The following SGSM3 variants were observed in gnomAD, a reference collection of about 807,000 sequenced individuals.
SGSM3 encodes the protein RUN and SH3 containing 3.
A neutral mutation model predicts 100.5 loss-of-function variants in SGSM3; 96 were observed. The observed-to-expected ratio is 0.96, with a 90% CI of 0.81 to 1.13. The LOEUF is 1.13. Ranked by LOEUF, SGSM3 falls within the 50% of genes most tolerant of loss-of-function variation. SGSM3 has a pLI of 0.00. For synonymous variants in SGSM3, 483 were observed against 422.8 expected (o/e 1.14, Z -1.75); for missense variants, 1,001 against 1,015.8 (o/e 0.99, Z 0.20).
intron 14 of SGSM3, 48 bp from the exon 15 acceptor site, chr22:40,408,023 G>A (rs1370811277): frequency 6.3e-7 from 1 of 1,597,252 alleles, no homozygotes; most frequent in East Asian, 2.2e-5. Flanking sequence ...TGTCTGCTCT[G>A]TCCTCGGCCC....
At chr22:40,398,240 T>A (rs572491376) in intron 1 of SGSM3, among the ~76,000 whole-genome samples, 1 of 151,538 alleles carries the variant, frequency 6.6e-6, no homozygotes, top group East Asian at 1.9e-4. Context: ...GTGCTGGGAT[T>A]ACAGGCGTGA....
At chr22:40,405,348 GTGGCCTCCCGCTACGGGGCAGTAGCCCCA>G in intron 7 of SGSM3, 64 bp downstream of exon 7, 2 of 1,393,076 alleles carry the variant, frequency 1.4e-6, no homozygotes, top group South Asian at 1.6e-5. Flanking sequence ...CTAACAAGGA[GTGGCCTCCCGCTACGGGGCAGTAGCCCCA>G]GGGCCTCCTC....
rs764446731 is a variant in SGSM3, at chr22:40,407,278, C to T, written c.1318C>T (p.Leu440=). ...GGTGGCTGACCTCCGGGAAGCCATC[C>T]TGCGCGTGGCACGCCACTTCCAGTG... ...ELVADLREAI[L]RVARHFQCTD... is the part of the protein sequence containing the mutation. The change falls in exon 12 of 22, where the codon CTG becomes TTG. Residue 440 remains leucine (L), a synonymous_variant. Coordinates refer to ENST00000248929, the MANE Select transcript of SGSM3 (RefSeq NM_015705.6). The surrounding 1 kb of genome is among the most constrained non-coding windows in gnomAD (Gnocchi z 4.7). The T allele has an allele frequency of 1.9e-6, 3 of 1,613,586 alleles. No homozygotes were observed. The highest frequency in any genetic ancestry group is 1.7e-5 in the Admixed American group (1 of 60,032).
chr22:40,400,718 G>T lies in SGSM3; in HGVS notation c.-89G>T, dbSNP rs1277189313. The T allele has an allele frequency of 3.8e-6, 5 of 1,310,830 alleles. No homozygotes were observed. The highest frequency in any genetic ancestry group is 5.4e-6 in the Non-Finnish European group (5 of 929,106). 81.2% of individuals were successfully genotyped at this position (1,310,830 alleles called of 1,614,324 possible). A position where few individuals can be genotyped will look rare whatever the true frequency, so the allele number is the denominator to read the frequency against. On this transcript the variant is annotated 5_prime_UTR_variant, in exon 2 of 22. The change abolishes an upstream ATG in the 5' untranslated region. Coordinates refer to ENST00000248929, the MANE Select transcript of SGSM3 (RefSeq NM_015705.6). Reference sequence around the variant, plus strand: ...CAGGGCAGATGATTCTGGACCAGATGAAGCCTGAGGAGCCTTCCAGCTCTA... The same window carrying T: ...CAGGGCAGATGATTCTGGACCAGATTAAGCCTGAGGAGCCTTCCAGCTCTA...
chr22:40,386,369 AG>A (rs1364280189), intron 1 of SGSM3, among the ~76,000 whole-genome samples: 1 of 152,170 alleles, frequency 6.6e-6, no homozygotes, highest in Non-Finnish European at 1.5e-5. Flanking sequence ...CAACAGTAAG[AG>A]GACAACCTCG....
rs1208753297 is a variant in SGSM3, at chr22:40,408,828, G to C, written c.1888G>C (p.Glu630Gln). 9 of 1,613,822 alleles carry C rather than the reference G, an allele frequency of 5.6e-6. No homozygotes were observed. Among genetic ancestry groups the C allele is most frequent in the Non-Finnish European group, 5.9e-6 (7 of 1,180,018 alleles). The change falls in exon 18 of 22, where the codon GAG (glutamate) becomes CAG (glutamine). Residue 630 changes from glutamate (E) to glutamine (Q), a missense_variant. Transcript: ENST00000248929. ...DEDGKVLTPE[E>Q]LLYRAVQSVN... ...AGATGGCAAAGTCCTGACCCCGGAG[G>C]AGCTGCTCTACCGGGTAAGGGGGCC...
intron 1 of SGSM3, among the ~76,000 whole-genome samples, chr22:40,395,944 A>C (rs2049991695): frequency 6.6e-6 from 1 of 152,162 alleles, no homozygotes; most frequent in Non-Finnish European, 1.5e-5. Context: ...CTATTTGCCC[A>C]CGTAGCAGCC....
intron 1 of SGSM3, among the ~76,000 whole-genome samples, chr22:40,398,463 G>A (rs1311664146): frequency 7.1e-6 from 1 of 141,368 alleles, no homozygotes; most frequent in East Asian, 2.1e-4. Context: ...TCCACAGCCA[G>A]ATGTAGCTGA....
At chr22:40,379,630 A>G (rs1338110397) in intron 1 of SGSM3, among the ~76,000 whole-genome samples, 1 of 152,144 alleles carries the variant, frequency 6.6e-6, no homozygotes, top group African/African-American at 2.4e-5. Flanking sequence ...TTAAGTAAAT[A>G]TCTTCCTCCT....
chr22:40,407,514 CT>C lies in SGSM3; in HGVS notation c.1473del (p.Phe491LeufsTer62). 1 of 1,609,664 alleles carries C rather than the reference CT, an allele frequency of 6.2e-7. No homozygotes were observed. The highest frequency in any genetic ancestry group is 1.1e-5 in the South Asian group (1 of 91,066). ...GGCGCCGAGCCAAGGCCCTGCTGGA[CT>C]TTGAGCGGCACGACGACGACGAGCT... ...HRRRAKALLD[F>X]ERHDDDELGF... On this transcript the variant is annotated frameshift_variant, in exon 13 of 22. Transcript: ENST00000248929. LOFTEE classifies it high-confidence loss of function. The surrounding 1 kb of genome is among the most constrained non-coding windows in gnomAD (Gnocchi z 4.7).
At chr22:40,404,929 C>T (rs1424997051) in intron 6 of SGSM3, among the ~76,000 whole-genome samples, 1 of 152,166 alleles carries the variant, frequency 6.6e-6, no homozygotes, top group East Asian at 1.9e-4. Context: ...CCTCGGGCCA[C>T]ACGTTTTCAG....
intron 1 of SGSM3, among the ~76,000 whole-genome samples, chr22:40,398,571 TGAG>T (rs2050340743): frequency 1.4e-5 from 2 of 141,568 alleles, no homozygotes; most frequent in Non-Finnish European, 3.1e-5. Flanking sequence ...CCGATGGTGA[TGAG>T]GAGTCTTTCT....
chr22:40,373,262 T>C (rs534523199), intron 1 of SGSM3: 12 of 152,350 alleles, frequency 7.9e-5, no homozygotes, highest in African/African-American at 2.6e-4. Context: ...TTCAAGTCTT[T>C]CTCATTCTTA....
rs575133734 is a variant in SGSM3, at chr22:40,408,336, C to T, written c.1689C>T (p.Thr563=). The T allele has an allele frequency of 3.7e-6, 6 of 1,613,562 alleles. 1 individual carries two copies. The South Asian group carries it at 6.6e-5, about 18-fold the overall frequency. Residue 563 remains threonine, a synonymous_variant, in exon 16 of 22, where the codon ACC becomes ACT. Coordinates refer to ENST00000248929, the MANE Select transcript of SGSM3 (RefSeq NM_015705.6). ...GGGTCACAGACCTCGTGCGAGGGAC[C>T]CTCTGCCCGGCCCTTAAGGCCCTGT... ...TEGVTDLVRG[T]LCPALKALFE...
chr22:40,408,183 CGAGTCCTGGCCTGTAGCATGGCAGA>C, intron 15 of SGSM3, 63 bp downstream of exon 15: 1 of 1,606,522 alleles, frequency 6.2e-7, no homozygotes, highest in East Asian at 2.2e-5. Context: ...GCGTGCCTAG[CGAGTCCTGGCCTGTAGCATGGCAGA>C]GAGGACAGAG....
chr22:40,388,464 G>A (rs958718173), intron 1 of SGSM3, among the ~76,000 whole-genome samples: 1 of 152,222 alleles, frequency 6.6e-6, no homozygotes, highest in African/African-American at 2.4e-5. Flanking sequence ...GCAAGTGCGA[G>A]GCAGGTGTTC....
At chr22:40,396,959 A>G (rs1025508924) in intron 1 of SGSM3, among the ~76,000 whole-genome samples, 1 of 152,234 alleles carries the variant, frequency 6.6e-6, no homozygotes, top group African/African-American at 2.4e-5. Flanking sequence ...AATTCTTTCT[A>G]GAGCTCCTCA....
intron 10 of SGSM3, 67 bp from the exon 11 acceptor site, chr22:40,406,950 G>A (rs1441326312): frequency 5.4e-6 from 8 of 1,471,466 alleles, no homozygotes; most frequent in Non-Finnish European, 7.4e-6. Flanking sequence ...GACAGTATAA[G>A]CCAAGGGCTG....
chr22:40,391,755 G>A (rs149298376), intron 1 of SGSM3, among the ~76,000 whole-genome samples: 13 of 152,324 alleles, frequency 8.5e-5, no homozygotes, highest in Middle Eastern at 3.4e-3. Flanking sequence ...TAGAACTTAA[G>A]TTTGTCATTT....
Sources: gnomAD v4.1 joint callset for allele counts (sites outside exome capture counted in the v4.1 genomes callset) on GRCh38, gnomAD v4.1.1 for gene constraint, Gnocchi (gnomAD v3.1) non-coding constraint, MANE v1.5 for transcripts, NCBI Gene and HGNC (gene_info 2026-07-23, HGNC 2026-07-21) for gene names.